Variants in GLB1L2 observed in about 807,000 individuals in gnomAD.
The protein encoded by GLB1L2 is beta-galactosidase-1-like protein 2.
A neutral mutation model predicts 84.1 loss-of-function variants in GLB1L2; 68 were observed. The observed-to-expected ratio is 0.81, with a 90% CI of 0.67 to 0.99. GLB1L2 has a LOEUF of 0.99. Among genes scored for constraint, GLB1L2 ranks in the 50% least tolerant of loss-of-function variants. The probability of loss-of-function intolerance (pLI) is 0.00; values close to 1 mark genes in which losing one functional copy is unlikely to be tolerated. For missense variants in GLB1L2, 762 were observed against 805.6 expected, an observed-to-expected ratio of 0.95 and a Z score of 0.66; for synonymous variants, 290 against 318.0, an observed-to-expected ratio of 0.91 and a Z score of 0.94.
Position 134,338,038 on chromosome 11 carries a change from G to C in GLB1L2, c.87-4716G>C, listed in dbSNP as rs946368242. ...GACAATGATTGCAGTTCCTGACTCA[G>C]ATACCAGCTTGCGTATGCTGGTGGC... On this transcript the variant is annotated intron_variant, in intron 1 of 18. Transcript: ENST00000535456. The surrounding 1 kb of genome is among the most constrained non-coding windows in gnomAD (Gnocchi z 6.2). Among the ~76,000 whole-genome samples, 1 of 152,252 alleles carries C rather than the reference G, an allele frequency of 6.6e-6. No individual in the cohort carries two copies. The highest frequency in any genetic ancestry group is 1.5e-5 in the Non-Finnish European group (1 of 68,044).
intron 15 of GLB1L2, 90 bp from the exon 16 acceptor site, chr11:134,373,631 C>T (rs1943985884): frequency 1.2e-6 from 1 of 814,620 alleles, no homozygotes; most frequent in African/African-American, 1.7e-5. Flanking sequence ...CCCCTCACCC[C>T]AGCTTCCCAG....
intron 5 of GLB1L2, among the ~76,000 whole-genome samples, chr11:134,355,474 C>G (rs532112881): frequency 5.1e-4 from 78 of 152,326 alleles, no homozygotes; most frequent in African/African-American, 1.4e-3. Context: ...GGAACCCTCA[C>G]TAATTAGTGG....
At chr11:134,349,521 G>A (rs559186786) in intron 5 of GLB1L2, among the ~76,000 whole-genome samples, 71 of 152,250 alleles carry the variant, frequency 4.7e-4, no homozygotes, top group South Asian at 2.1e-3. Flanking sequence ...TTGCCATACC[G>A]TTTTCCACAG....
In GLB1L2 at chr11:134,371,056, G is replaced by A. The variant is rs957125022; in HGVS notation, c.1264G>A (p.Gly422Arg). Residue 422 changes from glycine (G) to arginine (R), a missense_variant, in exon 13 of 19, where the codon GGG becomes AGG. Transcript: ENST00000535456. ...CAACATGGAGAACCTGCCAGTCAAT[G>A]GGGGAAATGGACAGTCCTTCGGGTA... ...PINMENLPVN[G>R]GNGQSFGYIL... 18 of 1,614,072 alleles carry A rather than the reference G, an allele frequency of 1.1e-5. No individual in the cohort carries two copies. Among genetic ancestry groups the A allele is most frequent in the Non-Finnish European group, 1.4e-5 (17 of 1,180,036 alleles).
rs899152566 is a variant in GLB1L2 at position 134,376,092 on chromosome 11, C to T, written c.*1034C>T. ...GGAGGAGGACAGAAGGCCCAGCTCA[C>T]ATGTGAGTCCTGGCAGAAGCCATGG... On this transcript the variant is annotated 3_prime_UTR_variant, in exon 19 of 19. Coordinates refer to ENST00000535456, the MANE Select transcript of GLB1L2 (RefSeq NM_001370461.1). The T allele has an allele frequency of 5.5e-5, 8 of 146,036 alleles. No individual in the cohort carries two copies. Among genetic ancestry groups the T allele is most frequent in the African/African-American group, 2.0e-4 (8 of 39,450 alleles). The allele number at this position is 146,036 out of a possible 1,614,324, so 9.0% of individuals were successfully genotyped here.
At chr11:134,367,687 C>T (rs550809400) in intron 9 of GLB1L2, among the ~76,000 whole-genome samples, 4 of 152,302 alleles carry the variant, frequency 2.6e-5, no homozygotes, top group Admixed American at 6.5e-5. Flanking sequence ...GTATCTCTGC[C>T]GACAGCTCTA....
In GLB1L2 at chr11:134,370,986, C is replaced by T; in HGVS notation, c.1216-22C>T. The T allele has an allele frequency of 6.2e-7, 1 of 1,613,526 alleles. No homozygotes were observed. Among genetic ancestry groups the T allele is most frequent in the Non-Finnish European group, 8.5e-7 (1 of 1,179,690 alleles). ...CCCACTCCTCCTGAGCCTGCCCACC[C>T]CTCCATCTCTTCTGTACGCAGCCAA... On this transcript the variant is annotated intron_variant, in intron 12 of 18. Transcript: ENST00000535456. The surrounding 1 kb of genome is among the most constrained non-coding windows in gnomAD (Gnocchi z 4.7).
chr11:134,370,334 C>G lies in GLB1L2; in HGVS notation c.1150C>G (p.Pro384Ala). 1 of 1,613,938 alleles carries G rather than the reference C, an allele frequency of 6.2e-7. No homozygotes were observed. The highest frequency in any genetic ancestry group is 1.7e-5 in the Admixed American group (1 of 60,000). Reference sequence around the variant, plus strand: ...CCCACCTGACCTTCTTCCCAAGATGCCGTATGAGCCCTTAACGCCAGTCTT... The same window carrying G: ...CCCACCTGACCTTCTTCCCAAGATGGCGTATGAGCCCTTAACGCCAGTCTT... ...PPPPDLLPKM[P>A]YEPLTPVLYL... Residue 384 changes from proline (P) to alanine (A), a missense_variant, in exon 12 of 19, where the codon CCG becomes GCG. Coordinates refer to ENST00000535456, the MANE Select transcript of GLB1L2 (RefSeq NM_001370461.1). This position sits in a 1 kb window ranked among gnomAD's most constrained non-coding sequence, Gnocchi z 4.7.
At chr11:134,353,229 T>C (rs1202601908) in intron 5 of GLB1L2, among the ~76,000 whole-genome samples, 1 of 151,928 alleles carries the variant, frequency 6.6e-6, no homozygotes. Flanking sequence ...GCCAACATGT[T>C]GAAACCCATT....
chr11:134,332,821 C>T (rs1943323313), intron 1 of GLB1L2, among the ~76,000 whole-genome samples: 1 of 152,126 alleles, frequency 6.6e-6, no homozygotes, highest in South Asian at 2.1e-4. Context: ...TGTGATTTAC[C>T]CACAGCCTGT....
chr11:134,335,783 G>A (rs1028098178), intron 1 of GLB1L2, among the ~76,000 whole-genome samples: 1 of 152,038 alleles, frequency 6.6e-6, no homozygotes, highest in Admixed American at 6.5e-5. Flanking sequence ...AGAGTTCCAC[G>A]AGGTCATGTC....
intron 7 of GLB1L2, among the ~76,000 whole-genome samples, chr11:134,361,927 A>G (rs908809652): frequency 1.3e-5 from 2 of 152,040 alleles, no homozygotes; most frequent in Admixed American, 6.6e-5. Context: ...CCCCCGGCCA[A>G]GTTCCTCAGG....
intron 5 of GLB1L2, among the ~76,000 whole-genome samples, chr11:134,348,882 C>T (rs1285780928): frequency 2.7e-4 from 41 of 152,324 alleles, no homozygotes; most frequent in Admixed American, 2.5e-3. Context: ...TGGCAGAGAG[C>T]GTCAGAGAGC....
Position 134,371,452 on chromosome 11 carries a change from T to TGGACTA in GLB1L2, c.1389_1394dup (p.Asp464_Tyr465insTer). On this transcript the variant is annotated stop_gained and inframe_insertion, in exon 14 of 19. Coordinates refer to ENST00000535456, the MANE Select transcript of GLB1L2 (RefSeq NM_001370461.1). LOFTEE classifies it high-confidence loss of function. Reference sequence around the variant, plus strand: ...GTGAACACAGTATCCATAGGATTCTTGGACTACAAGACAACGAAGATTGCT... The same window carrying TGGACTA: ...GTGAACACAGTATCCATAGGATTCTTGGACTAGGACTACAAGACAACGAAGATTGCT... 2 of 1,602,832 alleles carry TGGACTA rather than the reference T, an allele frequency of 1.2e-6. No homozygotes were observed. The highest frequency in any genetic ancestry group is 1.7e-6 in the Non-Finnish European group (2 of 1,169,672).
chr11:134,351,588 A>T (rs1410339333), intron 5 of GLB1L2, among the ~76,000 whole-genome samples: 1 of 151,984 alleles, frequency 6.6e-6, no homozygotes, highest in Admixed American at 6.6e-5. Context: ...CAGGTGATCC[A>T]CCTGCCTCAG....
intron 5 of GLB1L2, 136 bp downstream of exon 5, chr11:134,347,569 C>T (rs73030608): frequency 0.084 from 55,558 of 659,330 alleles, 2,641 homozygotes; most frequent in Middle Eastern, 0.097. Context: ...GTCCGAGACT[C>T]GTAACTGAGG....
At chr11:134,360,220 C>T (rs1208416784) in intron 7 of GLB1L2, 1 of 152,352 alleles carries the variant, frequency 6.6e-6, no homozygotes, top group African/African-American at 2.4e-5. Flanking sequence ...ACATTCCACG[C>T]TTTCTTTTCT....
At chr11:134,368,921 G>T (rs1356204599) in intron 10 of GLB1L2, 140 bp downstream of exon 10, 2 of 863,678 alleles carry the variant, frequency 2.3e-6, no homozygotes, top group East Asian at 5.3e-5. Flanking sequence ...TACTTGCCTG[G>T]ACAGTCATGT....
rs892685146 is a variant in GLB1L2, at chr11:134,373,740, T to C, written c.1527T>C (p.Tyr509=). 1.2e-6 allele frequency: 2 copies of C among 1,612,188 alleles called. No individual in the cohort carries two copies. Among genetic ancestry groups the C allele is most frequent in the Non-Finnish European group, 1.7e-6 (2 of 1,178,568 alleles). ...DQRKGLIGNL[Y]LNDSPLKNFR... is the part of the protein sequence containing the mutation. ...CCACAGGCTTAATTGGAAATCTCTATCTGAATGATTCACCCCTGAAAAACT... is the reference window on the plus strand; with the variant it reads ...CCACAGGCTTAATTGGAAATCTCTACCTGAATGATTCACCCCTGAAAAACT... Residue 509 remains tyrosine, a synonymous_variant, in exon 16 of 19, where the codon TAT becomes TAC. Coordinates refer to ENST00000535456, the MANE Select transcript of GLB1L2 (RefSeq NM_001370461.1).
Sources: allele counts gnomAD v4.1 joint callset (sites outside exome capture counted in the v4.1 genomes callset), GRCh38; gene constraint gnomAD v4.1.1; non-coding constraint Gnocchi (gnomAD v3.1); transcripts MANE v1.5; gene names NCBI Gene and HGNC (gene_info 2026-07-23, HGNC 2026-07-21).